TRHDE: variants seen among roughly 807,000 people sequenced by gnomAD.
TRHDE encodes the protein thyrotropin releasing hormone degrading enzyme, also known as thyrotropin-releasing hormone-degrading ectoenzyme.
Under a neutral mutation model 125.7 loss-of-function variants are expected in TRHDE, and 72 were observed. The ratio of observed to expected loss-of-function variants is 0.57; its 90% CI spans 0.47 to 0.70. The LOEUF (loss-of-function observed/expected upper bound fraction) is 0.70. Ranked by LOEUF, TRHDE falls within the 30% of genes least tolerant of loss-of-function variation. The probability of loss-of-function intolerance (pLI) is 0.00; values close to 1 mark genes in which losing one functional copy is unlikely to be tolerated. For missense variants in TRHDE, 1,110 were observed against 1,327.1 expected (o/e 0.84, Z 2.54); for synonymous variants, 509 against 509.1 (o/e 1.00, Z 0.00).
At chr12:72,097,803 G>A (rs1285670242) in intron 1 of TRHDE, among the ~76,000 whole-genome samples, 1 of 151,864 alleles carries the variant, frequency 6.6e-6, no homozygotes. Context: ...ATTCCTTTTT[G>A]TGGTTTGTCA....
At chr12:72,640,261 G>A (rs564875842) in intron 15 of TRHDE, among the ~76,000 whole-genome samples, 4 of 152,328 alleles carry the variant, frequency 2.6e-5, no homozygotes, top group East Asian at 3.9e-4. Context: ...GGAGTGACCC[G>A]ATCTTCCAGG....
At chr12:72,300,639 TCA>T (rs1245002194) in intron 2 of TRHDE, among the ~76,000 whole-genome samples, 1 of 151,680 alleles carries the variant, frequency 6.6e-6, no homozygotes, top group East Asian at 1.9e-4. Flanking sequence ...ATATATGTTC[TCA>T]CATGATATAT....
intron 15 of TRHDE, among the ~76,000 whole-genome samples, chr12:72,649,667 A>G (rs768812754): frequency 4.7e-4 from 72 of 152,302 alleles, no homozygotes; most frequent in Non-Finnish European, 8.1e-4. Flanking sequence ...TCCAAAATAT[A>G]TAAGACACTC....
At chr12:72,191,786 A>G (rs1323356428) in intron 2 of TRHDE, among the ~76,000 whole-genome samples, 5 of 152,322 alleles carry the variant, frequency 3.3e-5, no homozygotes, top group East Asian at 1.9e-4. Flanking sequence ...GATTCATGGA[A>G]TGTGCTACAG....
At chr12:72,593,001 C>A (rs1871759354) in intron 12 of TRHDE, among the ~76,000 whole-genome samples, 1 of 152,192 alleles carries the variant, frequency 6.6e-6, no homozygotes, top group Admixed American at 6.5e-5. Flanking sequence ...GCGTGAGCCA[C>A]CGCGCCCCGC....
intron 3 of TRHDE, among the ~76,000 whole-genome samples, chr12:72,460,104 T>A (rs2135883904): frequency 6.6e-6 from 1 of 152,306 alleles, no homozygotes; most frequent in Admixed American, 6.5e-5. Flanking sequence ...ACTATCTCCG[T>A]TTTTGCTATA....
chr12:72,520,205 C>G (rs1879115595), intron 6 of TRHDE, among the ~76,000 whole-genome samples: 1 of 152,232 alleles, frequency 6.6e-6, no homozygotes, highest in African/African-American at 2.4e-5. Flanking sequence ...TTTACCTAAG[C>G]AAGCCTGGGC....
intron 3 of TRHDE, among the ~76,000 whole-genome samples, chr12:72,402,097 G>A (rs1164446068): frequency 1.3e-5 from 2 of 152,062 alleles, no homozygotes; most frequent in Admixed American, 1.3e-4. Context: ...TCATAGCTCT[G>A]GAGGCCAAAA....
At chr12:72,156,261 G>A (rs965085014) in intron 2 of TRHDE, among the ~76,000 whole-genome samples, 1 of 152,196 alleles carries the variant, frequency 6.6e-6, no homozygotes, top group Non-Finnish European at 1.5e-5. Flanking sequence ...GTATTAGGGT[G>A]GGAGTGACCC....
Position 72,665,906 on chromosome 12 carries a change from A to G in TRHDE, c.*2711A>G, listed in dbSNP as rs1483391456. ...ATAATCTTTGAAGTTTCTAAAATAC[A>G]CAATCTCAACCTCTAAGACTAACAT... On this transcript the variant is annotated 3_prime_UTR_variant, in exon 19 of 19. Coordinates refer to ENST00000261180, the MANE Select transcript of TRHDE (RefSeq NM_013381.3). The G allele has an allele frequency of 5.3e-5, 8 of 152,200 alleles. No homozygotes were observed. In the East Asian group the frequency reaches 1.5e-3, roughly 29 times the overall value. The allele number at this position is 152,200 out of a possible 1,614,324, so 9.4% of individuals were successfully genotyped here.
At chr12:72,468,390 T>C (rs1025591980) in intron 3 of TRHDE, among the ~76,000 whole-genome samples, 2 of 152,242 alleles carry the variant, frequency 1.3e-5, no homozygotes, top group Admixed American at 1.3e-4. Flanking sequence ...AGTTTCTTTG[T>C]CCTTTGCTTA....
At chr12:72,645,004 T>C (rs1260201646) in intron 15 of TRHDE, among the ~76,000 whole-genome samples, 1 of 152,204 alleles carries the variant, frequency 6.6e-6, no homozygotes, top group Non-Finnish European at 1.5e-5. Context: ...AGCTAGGCTA[T>C]TGGGTGAGTA....
intron 12 of TRHDE, among the ~76,000 whole-genome samples, chr12:72,606,223 C>CTGTT (rs1342243315): frequency 6.6e-6 from 1 of 152,162 alleles, no homozygotes; most frequent in Non-Finnish European, 1.5e-5. Context: ...GTGACAGAGA[C>CTGTT]TGTTTGACTG....
chr12:72,557,684 C>T (rs1869985850), intron 7 of TRHDE, among the ~76,000 whole-genome samples: 1 of 152,076 alleles, frequency 6.6e-6, no homozygotes, highest in African/African-American at 2.4e-5. Flanking sequence ...TTGGCTTTTA[C>T]ACATGACATG....
intron 2 of TRHDE, among the ~76,000 whole-genome samples, chr12:72,294,364 G>T (rs1592525198): frequency 6.6e-6 from 1 of 152,172 alleles, no homozygotes. Context: ...GTCTGTGTGT[G>T]TGTGTGGTGG....
At chr12:72,397,119 C>A (rs1409557311) in intron 3 of TRHDE, among the ~76,000 whole-genome samples, 5 of 152,174 alleles carry the variant, frequency 3.3e-5, no homozygotes, top group African/African-American at 7.2e-5. Context: ...ACTCTTCTAC[C>A]TTTTTCATTT....
At chr12:72,380,311 G>T (rs933243269) in intron 3 of TRHDE, among the ~76,000 whole-genome samples, 4 of 152,194 alleles carry the variant, frequency 2.6e-5, no homozygotes, top group African/African-American at 9.6e-5. Flanking sequence ...GGTGAAGACA[G>T]ACATTAAAGC....
chr12:72,437,630 A>G (rs545248370), intron 3 of TRHDE, among the ~76,000 whole-genome samples: 10 of 151,924 alleles, frequency 6.6e-5, no homozygotes, highest in African/African-American at 2.4e-4. Context: ...TTTCTATTCA[A>G]TAGTTTTTGA....
chr12:72,435,705 GTGGT>G lies in TRHDE; in HGVS notation c.1316-34051_1316-34048del, dbSNP rs139431765. ...TTGCCTTGTGTTTGTTCTGAATGAA[GTGGT>G]TAATAGGCATTTTTTCATAATTCTT... On this transcript the variant is annotated intron_variant, in intron 3 of 18. Coordinates refer to ENST00000261180, the MANE Select transcript of TRHDE (RefSeq NM_013381.3). Among the ~76,000 whole-genome samples, 1,306 of 149,820 alleles carry G rather than the reference GTGGT, an allele frequency of 8.7e-3. 20 individuals are homozygous for G. The highest frequency in any genetic ancestry group is 0.03 in the African/African-American group (1,219 of 40,670).
Sources: gnomAD v4.1 joint callset for allele counts (sites outside exome capture counted in the v4.1 genomes callset) on GRCh38, gnomAD v4.1.1 for gene constraint, MANE v1.5 for transcripts, NCBI Gene and HGNC (gene_info 2026-07-23, HGNC 2026-07-21) for gene names.